PRCP: variants seen among roughly 807,000 people sequenced by gnomAD.
The protein encoded by PRCP is lysosomal Pro-X carboxypeptidase.
A neutral mutation model predicts 54.2 loss-of-function variants in PRCP; 46 were observed. The observed-to-expected ratio is 0.85, with a 90% CI of 0.67 to 1.09. The LOEUF (loss-of-function observed/expected upper bound fraction) is 1.09, where lower values mean the gene tolerates loss of function less well. Ranked by LOEUF, PRCP falls within the 50% of genes least tolerant of loss-of-function variation. The probability of loss-of-function intolerance (pLI) is 0.00; values close to 1 mark genes in which losing one functional copy is unlikely to be tolerated. For missense variants in PRCP, 613 were observed against 596.8 expected, an observed-to-expected ratio of 1.03 and a Z score of -0.28; for synonymous variants, 240 against 212.2, an observed-to-expected ratio of 1.13 and a Z score of -1.14.
intron 1 of PRCP, among the ~76,000 whole-genome samples, chr11:82,864,977 G>A (rs143509237): frequency 6.6e-6 from 1 of 152,224 alleles, no homozygotes; most frequent in African/African-American, 2.4e-5. Context: ...AGCGGGGGTG[G>A]GAGAGGTGGG....
chr11:82,849,533 T>C (rs906857309), intron 5 of PRCP, among the ~76,000 whole-genome samples: 2 of 152,222 alleles, frequency 1.3e-5, no homozygotes, highest in African/African-American at 4.8e-5. Context: ...CAAACAGTGC[T>C]AAGCAAAAGA....
chr11:82,874,688 C>G (rs1859559144), intron 1 of PRCP, among the ~76,000 whole-genome samples: 1 of 126,886 alleles, frequency 7.9e-6, no homozygotes, highest in Non-Finnish European at 1.6e-5. Flanking sequence ...GAGACCCTGT[C>G]TCAAAAAAAA....
At chr11:82,883,333 T>C (rs1859794522) in intron 1 of PRCP, among the ~76,000 whole-genome samples, 1 of 152,086 alleles carries the variant, frequency 6.6e-6, no homozygotes, top group South Asian at 2.1e-4. Context: ...AACAGGAGTT[T>C]GCTAGGGAGA....
chr11:82,825,931 G>T (rs1479892879), intron 8 of PRCP: 1 of 152,146 alleles, frequency 6.6e-6, no homozygotes, highest in Non-Finnish European at 1.5e-5. Flanking sequence ...TACAACCACA[G>T]ACAGCATCCC....
At chr11:82,842,805 T>A (rs891186913) in intron 6 of PRCP, among the ~76,000 whole-genome samples, 5 of 152,148 alleles carry the variant, frequency 3.3e-5, no homozygotes, top group African/African-American at 4.8e-5. Context: ...AAATTTAATA[T>A]GGAAATTTTA....
chr11:82,899,023 C>T (rs1326786646), intron 1 of PRCP, among the ~76,000 whole-genome samples: 1 of 152,088 alleles, frequency 6.6e-6, no homozygotes, highest in Non-Finnish European at 1.5e-5. Flanking sequence ...CTAAGTTATT[C>T]TGGAAGTCTA....
chr11:82,889,740 T>C (rs1859959217), intron 1 of PRCP, among the ~76,000 whole-genome samples: 1 of 152,050 alleles, frequency 6.6e-6, no homozygotes, highest in African/African-American at 2.4e-5. Context: ...ATGTGGTGAA[T>C]AGATAAGCAA....
At chr11:82,879,726 C>A (rs1196120878) in intron 1 of PRCP, among the ~76,000 whole-genome samples, 1 of 152,188 alleles carries the variant, frequency 6.6e-6, no homozygotes, top group Non-Finnish European at 1.5e-5. Context: ...GTGTGGATGT[C>A]CTTTCTGTTT....
rs1295554452 is a variant in PRCP at position 82,823,186 on chromosome 11, A to G, written c.*1720T>C. 6.6e-6 allele frequency among the ~76,000 whole-genome samples: 1 copy of G among 152,216 alleles called. No homozygotes were observed. The highest frequency in any genetic ancestry group is 1.5e-5 in the Non-Finnish European group (1 of 68,030). ...ATAATGTAACTCATCCAAATAATCA[A>G]CATCAAATAAAATGGCAAAGTATTT... On this transcript the variant is annotated 3_prime_UTR_variant, in exon 9 of 9. Coordinates refer to ENST00000313010, the MANE Select transcript of PRCP (RefSeq NM_005040.4).
At chr11:82,841,023 T>A (rs1160071346) in intron 6 of PRCP, among the ~76,000 whole-genome samples, 1 of 149,990 alleles carries the variant, frequency 6.7e-6, no homozygotes, top group African/African-American at 2.5e-5. Flanking sequence ...CTGGTCCTTT[T>A]CCATTTCATA....
In PRCP at chr11:82,869,509, G is replaced by C. The variant is rs186382610; in HGVS notation, c.169-9392C>G. The stretch of plus-strand genomic sequence containing the variant: ...GGAAGAGAGGGAGAAAGGGAGGAAA[G>C]AAACCTAGCTGAAATCCAAGATTGT... On this transcript the variant is annotated intron_variant, in intron 1 of 8. Transcript: ENST00000313010. 2.4e-3 allele frequency among the ~76,000 whole-genome samples: 368 copies of C among 152,132 alleles called. 3 individuals are homozygous for C. The highest frequency in any genetic ancestry group is 8.6e-3 in the African/African-American group (355 of 41,500).
chr11:82,825,205 T>A, intron 8 of PRCP, 83 bp from the exon 9 acceptor site: 1 of 1,211,072 alleles, frequency 8.3e-7, no homozygotes, highest in African/African-American at 1.5e-5. Flanking sequence ...ACCTATTACA[T>A]GTTTAACACC....
At chr11:82,851,836 C>G (rs1029394443) in intron 3 of PRCP, among the ~76,000 whole-genome samples, 1 of 152,152 alleles carries the variant, frequency 6.6e-6, no homozygotes, top group African/African-American at 2.4e-5. Flanking sequence ...GCCACCTACT[C>G]CTTTAGCTTT....
chr11:82,900,426 C>A lies in PRCP; in HGVS notation c.-24G>T. 4 of 1,609,362 alleles carry A rather than the reference C, an allele frequency of 2.5e-6. No homozygotes were observed. Among genetic ancestry groups the A allele is most frequent in the Middle Eastern group, 2.0e-4 (1 of 5,064 alleles). ...ATGGCTCAGGCTGGAGACTGCAGTG[C>A]GGGTGGGAGGGCGAAAAGGAGGCCA... On this transcript the variant is annotated 5_prime_UTR_variant, in exon 1 of 9. Transcript: ENST00000313010.
At chr11:82,897,830 C>A (rs1860152199) in intron 1 of PRCP, among the ~76,000 whole-genome samples, 2 of 152,298 alleles carry the variant, frequency 1.3e-5, no homozygotes, top group Admixed American at 1.3e-4. Context: ...TTCTTAGAGA[C>A]CACTCCATAA....
intron 2 of PRCP, among the ~76,000 whole-genome samples, chr11:82,857,010 G>C (rs2121166941): frequency 6.8e-6 from 1 of 147,500 alleles, no homozygotes; most frequent in East Asian, 2.0e-4. Context: ...ACTCCAGCCT[G>C]GGCGACAGAG....
At chr11:82,838,324 T>C in intron 8 of PRCP, 63 bp downstream of exon 8, 1 of 1,467,652 alleles carries the variant, frequency 6.8e-7, no homozygotes, top group Non-Finnish European at 9.3e-7. Flanking sequence ...CTGGTTCTGT[T>C]TTTTCAGATA....
upstream of PRCP, chr11:82,900,983 A>G (rs554204477): frequency 7.3e-6 from 3 of 409,142 alleles, no homozygotes; most frequent in Admixed American, 7.8e-5. Context: ...TGTGCGTCGT[A>G]TATGATTGTT....
chr11:82,838,687 G>T, intron 7 of PRCP, 113 bp from the exon 8 acceptor site: 1 of 1,011,280 alleles, frequency 9.9e-7, no homozygotes, highest in Non-Finnish European at 1.4e-6. Flanking sequence ...TTGAACTCAG[G>T]CAAGGCAGCT....
Sources: gnomAD v4.1 joint callset for allele counts (sites outside exome capture counted in the v4.1 genomes callset) on GRCh38, gnomAD v4.1.1 for gene constraint, MANE v1.5 for transcripts, NCBI Gene and HGNC (gene_info 2026-07-23, HGNC 2026-07-21) for gene names.